The following SPATS2L variants were observed in gnomAD, a reference collection of about 807,000 sequenced individuals.
SPATS2L encodes the protein SPATS2-like protein.
Under a neutral mutation model 59.6 loss-of-function variants are expected in SPATS2L, and 30 were observed. The ratio of observed to expected loss-of-function variants is 0.50; its 90% CI spans 0.38 to 0.68. SPATS2L has a LOEUF of 0.68. Among genes scored for constraint, SPATS2L ranks in the 30% least tolerant of loss-of-function variants. SPATS2L has a pLI of 0.00. For synonymous variants in SPATS2L, 252 were observed against 263.5 expected (o/e 0.96, Z 0.42); for missense variants, 615 against 700.0 (o/e 0.88, Z 1.37).
chr2:200,461,589 T>C (rs1162011936), intron 9 of SPATS2L, among the ~76,000 whole-genome samples: 2 of 152,200 alleles, frequency 1.3e-5, no homozygotes, highest in Non-Finnish European at 2.9e-5. Flanking sequence ...CCAGCTGGGA[T>C]TCAGTTTTAC....
intron 1 of SPATS2L, among the ~76,000 whole-genome samples, chr2:200,319,149 A>G (rs186921118): frequency 2.6e-5 from 4 of 152,272 alleles, no homozygotes; most frequent in African/African-American, 7.2e-5. Flanking sequence ...GACCATAGCT[A>G]TTGTATCTCC....
chr2:200,444,057 C>G (rs996448992), intron 8 of SPATS2L, among the ~76,000 whole-genome samples: 1 of 152,230 alleles, frequency 6.6e-6, no homozygotes, highest in Non-Finnish European at 1.5e-5. Context: ...ACAATGCTCT[C>G]ACAATGCATC....
intron 3 of SPATS2L, among the ~76,000 whole-genome samples, chr2:200,399,382 ATGT>A: frequency 6.6e-6 from 1 of 152,288 alleles, no homozygotes; most frequent in Non-Finnish European, 1.5e-5. Context: ...CAGTGTTGTC[ATGT>A]TGTTGCACAT....
intron 2 of SPATS2L, among the ~76,000 whole-genome samples, chr2:200,348,730 T>G (rs1326556140): frequency 1.3e-5 from 2 of 152,090 alleles, no homozygotes; most frequent in Non-Finnish European, 2.9e-5. Flanking sequence ...CACATGAGAA[T>G]CTAATGAGAA....
At chr2:200,458,690 G>A (rs1286219889) in intron 8 of SPATS2L, among the ~76,000 whole-genome samples, 2 of 151,434 alleles carry the variant, frequency 1.3e-5, no homozygotes, top group African/African-American at 4.9e-5. Context: ...TCAACCAATT[G>A]GAATGAACAG....
chr2:200,315,914 A>G (rs1218022925), intron 1 of SPATS2L, among the ~76,000 whole-genome samples: 1 of 149,484 alleles, frequency 6.7e-6, no homozygotes. Context: ...AGTCCCAGCT[A>G]CTCGGGAGGC....
At chr2:200,408,226 A>C (rs1012547444) in intron 3 of SPATS2L, among the ~76,000 whole-genome samples, 11 of 152,212 alleles carry the variant, frequency 7.2e-5, no homozygotes, top group Non-Finnish European at 1.5e-4. Context: ...GTGGGGGTTC[A>C]AAACTGGGCA....
intron 2 of SPATS2L, among the ~76,000 whole-genome samples, chr2:200,334,360 GT>G (rs1455090218): frequency 1.3e-5 from 2 of 152,004 alleles, no homozygotes; most frequent in Non-Finnish European, 2.9e-5. Flanking sequence ...GGGGTTGTTT[GT>G]TTTTTTCTTG....
upstream of SPATS2L, chr2:200,305,923 G>A (rs80051420): frequency 0.014 from 4,913 of 340,190 alleles, 70 homozygotes; most frequent in Non-Finnish European, 0.017. Flanking sequence ...GTTATCTAAA[G>A]TGCTTCCATC....
chr2:200,470,161 A>G (rs1214753691), intron 11 of SPATS2L, 145 bp downstream of exon 11: 1 of 628,646 alleles, frequency 1.6e-6, no homozygotes. Flanking sequence ...TCATGACACA[A>G]GTCACCAGAA....
At chr2:200,353,630 A>T (rs2080812799) in intron 2 of SPATS2L, among the ~76,000 whole-genome samples, 1 of 152,102 alleles carries the variant, frequency 6.6e-6, no homozygotes, top group Admixed American at 6.6e-5. Context: ...GTTTTGCCAC[A>T]TCCCCTATTT....
intron 2 of SPATS2L, among the ~76,000 whole-genome samples, chr2:200,359,537 A>T (rs1009985080): frequency 6.6e-6 from 1 of 152,176 alleles, no homozygotes; most frequent in Non-Finnish European, 1.5e-5. Flanking sequence ...CTGTCTTCCA[A>T]TGACTAACAT....
chr2:200,440,691 C>T lies in SPATS2L; in HGVS notation c.695C>T (p.Thr232Ile), dbSNP rs771764549. 2.5e-5 allele frequency: 40 copies of T among 1,613,516 alleles called. No individual in the cohort carries two copies. In the South Asian group the frequency reaches 3.8e-4, roughly 16 times the overall value. The change falls in exon 8 of 13, where the codon ACC (threonine) becomes ATC (isoleucine). Residue 232 changes from threonine (T) to isoleucine (I), a missense_variant. Transcript: ENST00000409140. ...TCAGTGAAGGATTTGCAACGCTGCACCGTTTCTCTAACTAGATATCGCGTC... is the reference window on the plus strand; with the variant it reads ...TCAGTGAAGGATTTGCAACGCTGCATCGTTTCTCTAACTAGATATCGCGTC... ...EKSVKDLQRC[T>I]VSLTRYRVMI...
intron 2 of SPATS2L, among the ~76,000 whole-genome samples, chr2:200,377,672 A>G (rs2081645741): frequency 6.6e-6 from 1 of 152,224 alleles, no homozygotes; most frequent in South Asian, 2.1e-4. Flanking sequence ...GTTAAACTGA[A>G]TAAAGATCAG....
At chr2:200,338,342 A>G (rs560835344) in intron 2 of SPATS2L, among the ~76,000 whole-genome samples, 124 of 152,314 alleles carry the variant, frequency 8.1e-4, no homozygotes, top group African/African-American at 2.9e-3. Context: ...AACTCTGATC[A>G]AGGAATCAGT....
At chr2:200,469,073 G>C (rs1451398819) in intron 10 of SPATS2L, among the ~76,000 whole-genome samples, 2 of 152,194 alleles carry the variant, frequency 1.3e-5, no homozygotes, top group Admixed American at 1.3e-4. Flanking sequence ...CTGTAAAACA[G>C]AGGTAATAAT....
chr2:200,307,012 C>T, intron 1 of SPATS2L, 90 bp downstream of exon 1: 5 of 966,146 alleles, frequency 5.2e-6, no homozygotes, highest in South Asian at 4.8e-5. Context: ...GACGGAGACT[C>T]GGCTGGGCCG....
intron 2 of SPATS2L, among the ~76,000 whole-genome samples, chr2:200,375,660 C>G (rs1450648846): frequency 6.6e-6 from 1 of 152,156 alleles, no homozygotes; most frequent in African/African-American, 2.4e-5. Context: ...GGGTCTTACT[C>G]TGTCATCCAG....
intron 1 of SPATS2L, among the ~76,000 whole-genome samples, chr2:200,320,332 T>C (rs920096571): frequency 2.6e-5 from 4 of 152,214 alleles, no homozygotes; most frequent in Non-Finnish European, 4.4e-5. Context: ...GTCACCTTAT[T>C]TTTAATGTAT....
Sources: allele counts gnomAD v4.1 joint callset (sites outside exome capture counted in the v4.1 genomes callset), GRCh38; gene constraint gnomAD v4.1.1; transcripts MANE v1.5; gene names NCBI Gene and HGNC (gene_info 2026-07-23, HGNC 2026-07-21).